The following SSH1 variants were observed in gnomAD, a reference collection of about 807,000 sequenced individuals.
SSH1 encodes the protein slingshot protein phosphatase 1.
In SSH1, 43 loss-of-function variants were observed where a neutral mutation model predicts 79.7. That is an observed-to-expected ratio of 0.54 (90% CI 0.42 to 0.70). The LOEUF is 0.70. Ranked by LOEUF, SSH1 falls within the 30% of genes least tolerant of loss-of-function variation. The pLI, the probability that SSH1 is intolerant of heterozygous loss-of-function variation, is 0.00. For missense variants in SSH1, 1,206 were observed against 1,358.8 expected (o/e 0.89, Z 1.77); for synonymous variants, 599 against 538.3 (o/e 1.11, Z -1.56).
rs1247205933 is a variant in SSH1 at position 108,802,221 on chromosome 12, C to A, written c.1001+101G>T. ...GCCACTTCAGAGACCAGGGTGCAGG[C>A]AATTACAGGCAGGCAGCCCCAAGGT... On this transcript the variant is annotated intron_variant, in intron 11 of 14. Transcript: ENST00000326495. 3.8e-6 allele frequency: 4 copies of A among 1,039,546 alleles called. No homozygotes were observed. In the East Asian group the frequency reaches 9.7e-5, roughly 25 times the overall value. The allele number at this position is 1,039,546 out of a possible 1,614,324, so 64.4% of individuals were successfully genotyped here. A position where few individuals can be genotyped will look rare whatever the true frequency, so the allele number is the denominator to read the frequency against.
At chr12:108,803,367 A>G (rs1053565846) in intron 10 of SSH1, among the ~76,000 whole-genome samples, 4 of 151,704 alleles carry the variant, frequency 2.6e-5, no homozygotes, top group Admixed American at 2.6e-4. Flanking sequence ...AACGGGGGAA[A>G]AAAAAAAAGA....
intron 6 of SSH1, 125 bp from the exon 7 acceptor site, chr12:108,809,883 G>A: frequency 2.4e-6 from 2 of 823,576 alleles, no homozygotes; most frequent in Admixed American, 1.9e-5. Flanking sequence ...CAGGCCACAT[G>A]ATGAGGGATT....
chr12:108,789,031 T>C lies in SSH1; in HGVS notation c.2107A>G (p.Lys703Glu). ...GGTTCGGTTGGGCCAGAGGCTGGCT[T>C]CTCCGGAACACGGGACCTGCTGGCC... ...HLASRSRVPE[K>E]PASGPTEPPP... Residue 703 changes from lysine to glutamate, a missense_variant, in exon 15 of 15, where the codon AAG becomes GAG. By Grantham distance (56) the Lys-to-Glu change is moderately conservative. This residue lies in a region of SSH1 where 709 missense variants were observed against 730.6 expected (regional missense o/e 0.97). Coordinates refer to ENST00000326495, the MANE Select transcript of SSH1 (RefSeq NM_018984.4). 1 of 1,608,488 alleles carries C rather than the reference T, an allele frequency of 6.2e-7. No individual in the cohort carries two copies.
At chr12:108,848,995 C>T (rs2038960303) in intron 2 of SSH1, among the ~76,000 whole-genome samples, 2 of 152,186 alleles carry the variant, frequency 1.3e-5, no homozygotes, top group Admixed American at 1.3e-4. Context: ...TGCTCCCTCA[C>T]CTGTATGTCC....
rs2036192966 is a variant in SSH1 at position 108,783,697 on chromosome 12, G to C, written c.*4291C>G. 1.3e-5 allele frequency: 2 copies of C among 152,260 alleles called. No homozygotes were observed. Among genetic ancestry groups the C allele is most frequent in the African/African-American group, 4.8e-5 (2 of 41,468 alleles). 9.4% of individuals were successfully genotyped at this position (152,260 alleles called of 1,614,324 possible). A position where few individuals can be genotyped will look rare whatever the true frequency, so the allele number is the denominator to read the frequency against. On this transcript the variant is annotated 3_prime_UTR_variant, in exon 15 of 15. Coordinates refer to ENST00000326495, the MANE Select transcript of SSH1 (RefSeq NM_018984.4). The stretch of plus-strand genomic sequence containing the variant: ...TTTGCTCTGTGGCTCAGGTGACACA[G>C]TGTGTCTGGATGCACATGATCACTT...
At chr12:108,801,573 T>C (rs1021957472) in intron 11 of SSH1, among the ~76,000 whole-genome samples, 2 of 152,168 alleles carry the variant, frequency 1.3e-5, no homozygotes, top group Admixed American at 6.5e-5. Context: ...CAGAAGAGTA[T>C]GGCCTTACGT....
Position 108,827,141 on chromosome 12 carries a change from A to G in SSH1, c.111-3780T>C, listed in dbSNP as rs573049309. On this transcript the variant is annotated intron_variant, in intron 2 of 14. Coordinates refer to ENST00000326495, the MANE Select transcript of SSH1 (RefSeq NM_018984.4). ...TTAAAGTTTCTCCAAAGCATTGAAG[A>G]CAGACAAAAAACCTCAATCAATGCT... The G allele has an allele frequency of 3.7e-5, 33 of 891,346 alleles. No individual in the cohort carries two copies. The East Asian group carries it at 8.8e-4, about 24-fold the overall frequency. The allele number at this position is 891,346 out of a possible 1,614,324, so 55.2% of individuals were successfully genotyped here.
intron 5 of SSH1, among the ~76,000 whole-genome samples, chr12:108,814,500 C>T (rs993093877): frequency 1.3e-5 from 2 of 151,948 alleles, no homozygotes; most frequent in Admixed American, 6.6e-5. Flanking sequence ...GCCTGGTGCC[C>T]GGGCAATGTG....
At chr12:108,793,091 C>T (rs1033526676) in intron 13 of SSH1, among the ~76,000 whole-genome samples, 2 of 152,188 alleles carry the variant, frequency 1.3e-5, no homozygotes, top group Non-Finnish European at 2.9e-5. Flanking sequence ...GGGGAAGGAA[C>T]GCGGGGGCGT....
chr12:108,854,504 A>T (rs756832934), intron 1 of SSH1, among the ~76,000 whole-genome samples: 36 of 152,302 alleles, frequency 2.4e-4, no homozygotes, highest in Admixed American at 3.9e-4. Flanking sequence ...AAAAAAAGAA[A>T]ATTAAAAGAG....
chr12:108,817,268 G>C (rs767807533), intron 4 of SSH1, 109 bp from the exon 5 acceptor site: 1 of 1,512,190 alleles, frequency 6.6e-7, no homozygotes, highest in South Asian at 1.2e-5. Flanking sequence ...CCCTCTGGGA[G>C]TTAAAAATGA....
At chr12:108,805,253 A>C in intron 9 of SSH1, 69 bp from the exon 10 acceptor site, 1 of 1,564,214 alleles carries the variant, frequency 6.4e-7, no homozygotes, top group Non-Finnish European at 8.8e-7. Flanking sequence ...AAAAGAATTA[A>C]AGTTACAATG....
At position 108,857,337 on chromosome 12, in the gene SSH1, GC is replaced by G. The variant is rs1022299922; in HGVS notation, c.69+90del. The G allele has an allele frequency of 1.2e-5, 9 of 767,080 alleles. No homozygotes were observed. Among genetic ancestry groups the G allele is most frequent in the Non-Finnish European group, 1.3e-5 (8 of 631,092 alleles). The allele number at this position is 767,080 out of a possible 1,614,324, so 47.5% of individuals were successfully genotyped here. ...GGGGCCCCGAGGAGCCCGCGCAGCC[GC>G]CCCCCTGCCCCGCACGCGCGGCCCC... On this transcript the variant is annotated intron_variant, in intron 1 of 14. Transcript: ENST00000326495. This position sits in a 1 kb window ranked among gnomAD's most constrained non-coding sequence, Gnocchi z 4.7.
At position 108,788,991 on chromosome 12, in the gene SSH1, G is replaced by A. The variant is rs769156107; in HGVS notation, c.2147C>T (p.Pro716Leu). 1.9e-6 allele frequency: 3 copies of A among 1,610,772 alleles called. No individual in the cohort carries two copies. Among genetic ancestry groups the A allele is most frequent in the Non-Finnish European group, 2.5e-6 (3 of 1,178,060 alleles). Reference protein sequence around the residue: ...SGPTEPPPFLPPAGSRRADTS... With the variant: ...SGPTEPPPFLLPAGSRRADTS... Reference sequence around the variant, plus strand: ...GTCTGCCCTCCTGGAGCCTGCTGGTGGTAGGAACGGGGGAGGTTCGGTTGG... The same window carrying A: ...GTCTGCCCTCCTGGAGCCTGCTGGTAGTAGGAACGGGGGAGGTTCGGTTGG... Residue 716 changes from proline to leucine, a missense_variant, in exon 15 of 15, where the codon CCA (proline) becomes CTA (leucine). Pro to Leu is a moderately conservative substitution (Grantham distance 98). Coordinates refer to ENST00000326495, the MANE Select transcript of SSH1 (RefSeq NM_018984.4).
chr12:108,855,019 T>C (rs967527748), intron 1 of SSH1, among the ~76,000 whole-genome samples: 7 of 152,228 alleles, frequency 4.6e-5, no homozygotes, highest in African/African-American at 1.4e-4. Context: ...GCCTGAGTTT[T>C]ACTTTATGTT....
chr12:108,843,727 G>A (rs990488429), intron 2 of SSH1, among the ~76,000 whole-genome samples: 4 of 152,052 alleles, frequency 2.6e-5, no homozygotes, highest in African/African-American at 7.2e-5. Context: ...CAGAGACAGG[G>A]TTTCACCATG....
intron 2 of SSH1, among the ~76,000 whole-genome samples, chr12:108,844,279 A>T (rs776666890): frequency 6.6e-6 from 1 of 152,142 alleles, no homozygotes; most frequent in African/African-American, 2.4e-5. Flanking sequence ...GAAAAAAAAA[A>T]ATAAGAATCA....
chr12:108,802,114 G>A (rs1026323965), intron 11 of SSH1, among the ~76,000 whole-genome samples: 6 of 152,130 alleles, frequency 3.9e-5, no homozygotes, highest in African/African-American at 1.4e-4. Context: ...GCGAGACTTC[G>A]GCACAATCTA....
chr12:108,822,603 T>G (rs755884658), intron 3 of SSH1, among the ~76,000 whole-genome samples: 1 of 152,194 alleles, frequency 6.6e-6, no homozygotes, highest in Non-Finnish European at 1.5e-5. Flanking sequence ...TGAGATACCA[T>G]GCAGGGCCAC....
Sources: gnomAD v4.1 joint callset for allele counts (sites outside exome capture counted in the v4.1 genomes callset) on GRCh38, gnomAD v4.1.1 for gene constraint, gnomAD v4.1.1 regional missense constraint, Gnocchi (gnomAD v3.1) non-coding constraint, MANE v1.5 for transcripts, NCBI Gene and HGNC (gene_info 2026-07-23, HGNC 2026-07-21) for gene names.